The following ADGRV1 variants were observed in gnomAD, a reference collection of about 807,000 sequenced individuals.
ADGRV1 encodes adhesion G protein-coupled receptor V1.
A neutral mutation model predicts 596.2 loss-of-function variants in ADGRV1; 359 were observed. That is an observed-to-expected ratio of 0.60 (90% CI 0.55 to 0.66). The LOEUF is 0.66. ADGRV1 is among the 30% of genes least tolerant of loss of function. The pLI is 0.00. For synonymous variants in ADGRV1, 2,681 were observed against 2,679.2 expected (o/e 1.00, Z -0.02); for missense variants, 7,274 against 7,575.6 (o/e 0.96, Z 1.48).
intron 89 of ADGRV1, among the ~76,000 whole-genome samples, chr5:91,161,956 G>C (rs145981926): frequency 0.011 from 1,706 of 152,290 alleles, 15 homozygotes; most frequent in Middle Eastern, 0.02. Flanking sequence ...CAGAGAAAGC[G>C]CTCCAAAAGG....
intron 83 of ADGRV1, among the ~76,000 whole-genome samples, chr5:90,917,301 G>T (rs554853944): frequency 6.6e-6 from 1 of 151,078 alleles, no homozygotes; most frequent in African/African-American, 2.5e-5. Flanking sequence ...GGAGCCATTG[G>T]TAGTTCCCTG....
rs753701569 is a variant in ADGRV1, at chr5:90,645,988, AT to A, written c.2922del (p.Phe974LeufsTer6). 1 of 1,596,134 alleles carries A rather than the reference AT, an allele frequency of 6.3e-7. No individual in the cohort carries two copies. The highest frequency in any genetic ancestry group is 8.5e-7 in the Non-Finnish European group (1 of 1,170,692). On this transcript the variant is annotated frameshift_variant, in exon 16 of 90. Transcript: ENST00000405460. LOFTEE classifies it high-confidence loss of function. ...PDEIPEEMEEFTVILLNGTGG... is the reference protein window; with the variant it reads ...PDEIPEEMEEXTVILLNGTGG... ...CAAAGATTCCAGAAGAAATGGAAGA[AT>A]TTACCGTTATCCTACTGAATGGCAC...
At chr5:90,807,530 A>G in intron 72 of ADGRV1, 72 bp from the exon 73 acceptor site, 2 of 1,403,394 alleles carry the variant, frequency 1.4e-6, no homozygotes, top group Non-Finnish European at 1.9e-6. Context: ...ACACTACTAC[A>G]GTTTTAAAAG....
At chr5:90,744,091 C>T (rs1419310967) in intron 50 of ADGRV1, among the ~76,000 whole-genome samples, 4 of 152,064 alleles carry the variant, frequency 2.6e-5, no homozygotes, top group African/African-American at 7.2e-5. Context: ...TGGGTTCAAA[C>T]GATCCTGCCA....
In ADGRV1 at chr5:90,627,488, A is replaced by G. The variant is rs1232447223; in HGVS notation, c.950A>G (p.Gln317Arg). 1.9e-6 allele frequency: 3 copies of G among 1,614,008 alleles called. No individual in the cohort carries two copies. In the South Asian group the frequency reaches 3.3e-5, roughly 18 times the overall value. The change falls in exon 7 of 90, where the codon CAG (glutamine) becomes CGG (arginine). Residue 317 changes from glutamine to arginine, a missense_variant. By Grantham distance (43) the Gln-to-Arg change is conservative. Coordinates refer to ENST00000405460, the MANE Select transcript of ADGRV1 (RefSeq NM_032119.4). The stretch of plus-strand genomic sequence containing the variant: ...ACTGGGAATTCCACAGCACATGCCC[A>G]GCAAAATCTGGACTTCATTGATCTT... ...VTTGNSTAHA[Q>R]QNLDFIDLQP...
intron 87 of ADGRV1, among the ~76,000 whole-genome samples, chr5:91,139,286 A>G (rs944985490): frequency 3.9e-5 from 6 of 152,158 alleles, no homozygotes; most frequent in African/African-American, 1.4e-4. Flanking sequence ...ATATATTTAA[A>G]GTTTTTGAGT....
At chr5:90,887,615 T>G (rs1431114665) in intron 83 of ADGRV1, among the ~76,000 whole-genome samples, 1 of 152,218 alleles carries the variant, frequency 6.6e-6, no homozygotes, top group East Asian at 1.9e-4. Flanking sequence ...TGTTTGTCTT[T>G]AATACAAGGC....
chr5:90,897,580 C>T (rs1411695528), intron 83 of ADGRV1, among the ~76,000 whole-genome samples: 3 of 152,048 alleles, frequency 2.0e-5, no homozygotes, highest in African/African-American at 7.2e-5. Flanking sequence ...CCTTTTTGTG[C>T]CCCCAAGGTA....
chr5:90,627,961 C>CACACAA (rs1491307206), intron 7 of ADGRV1, 185 bp downstream of exon 7: 13 of 384,870 alleles, frequency 3.4e-5, no homozygotes, highest in Middle Eastern at 6.9e-4. Flanking sequence ...CACACACACA[C>CACACAA]AAGAATATGT....
At chr5:90,762,459 A>G (rs903729992) in intron 58 of ADGRV1, 5 of 152,170 alleles carry the variant, frequency 3.3e-5, no homozygotes, top group African/African-American at 9.7e-5. Flanking sequence ...ACAAGATTGT[A>G]TTGCATGTTA....
At chr5:90,893,716 T>C (rs1369764517) in intron 83 of ADGRV1, among the ~76,000 whole-genome samples, 3 of 152,224 alleles carry the variant, frequency 2.0e-5, no homozygotes, top group Non-Finnish European at 4.4e-5. Flanking sequence ...GGTTAAACCT[T>C]CAGTGTGTTG....
chr5:90,703,768 C>T lies in ADGRV1; in HGVS notation c.8259C>T (p.Asn2753=). The change falls in exon 35 of 90, where the codon AAC becomes AAT. Residue 2753 remains asparagine, a synonymous_variant. Coordinates refer to ENST00000405460, the MANE Select transcript of ADGRV1 (RefSeq NM_032119.4). ...AAAATCTAGAACTCAATTTTGCTAA[C>T]TTTAGCGGACAACTTTTCTTTCCTG... is the stretch of plus-strand genomic sequence containing the variant. The part of the protein sequence containing the change: ...IGQNLELNFA[N]FSGQLFFPEG... 6.2e-7 allele frequency: 1 copy of T among 1,600,258 alleles called. No individual in the cohort carries two copies. Among genetic ancestry groups the T allele is most frequent in the Non-Finnish European group, 8.5e-7 (1 of 1,173,054 alleles).
At chr5:90,778,184 C>G (rs1758453191) in intron 62 of ADGRV1, 141 bp downstream of exon 62, 1 of 1,009,492 alleles carries the variant, frequency 9.9e-7, no homozygotes, top group South Asian at 1.6e-5. Context: ...AATATTACAG[C>G]ATTTGTGGTT....
At chr5:90,625,523 G>C in intron 6 of ADGRV1, 1 of 255,546 alleles carries the variant, frequency 3.9e-6, no homozygotes, top group Non-Finnish European at 7.4e-6. Flanking sequence ...TTTTGAGCAA[G>C]AACAATACTA....
rs565660184 is a variant in ADGRV1 at position 91,004,092 on chromosome 5, T to G, written c.18152+18570T>G. Among the ~76,000 whole-genome samples, 5 of 152,258 alleles carry G rather than the reference T, an allele frequency of 3.3e-5. No homozygotes were observed. In the South Asian group the frequency reaches 1.0e-3, roughly 32 times the overall value. ...ATTAGAAAAAGGAAAGAAGCTTAAGTCCTATTTTGCTTCAATCTTCTCTGT... is the reference window on the plus strand; with the variant it reads ...ATTAGAAAAAGGAAAGAAGCTTAAGGCCTATTTTGCTTCAATCTTCTCTGT... On this transcript the variant is annotated intron_variant, in intron 85 of 89. Coordinates refer to ENST00000405460, the MANE Select transcript of ADGRV1 (RefSeq NM_032119.4).
At chr5:90,593,738 T>TA (rs910815805) in intron 1 of ADGRV1, among the ~76,000 whole-genome samples, 26 of 151,068 alleles carry the variant, frequency 1.7e-4, no homozygotes, top group Non-Finnish European at 2.8e-4. Flanking sequence ...CCCATTGAAA[T>TA]AAAAAAAATA....
At chr5:90,969,627 A>G (rs1184652593) in intron 84 of ADGRV1, among the ~76,000 whole-genome samples, 3 of 152,220 alleles carry the variant, frequency 2.0e-5, no homozygotes, top group Non-Finnish European at 4.4e-5. Flanking sequence ...AAAGGAAACA[A>G]TTCATAAATT....
chr5:90,633,220 G>A (rs1765725099), intron 9 of ADGRV1, among the ~76,000 whole-genome samples: 1 of 152,104 alleles, frequency 6.6e-6, no homozygotes, highest in African/African-American at 2.4e-5. Flanking sequence ...TTATAGGCTA[G>A]GAAATAAGCC....
chr5:91,102,521 G>T (rs1425529339), intron 87 of ADGRV1, among the ~76,000 whole-genome samples, 181 bp downstream of exon 87: 1 of 152,194 alleles, frequency 6.6e-6, no homozygotes, highest in East Asian at 1.9e-4. Flanking sequence ...AAATATGACT[G>T]GGATTCTAAC....
Sources: gnomAD v4.1 joint callset for allele counts (sites outside exome capture counted in the v4.1 genomes callset) on GRCh38, gnomAD v4.1.1 for gene constraint, MANE v1.5 for transcripts, NCBI Gene and HGNC (gene_info 2026-07-23, HGNC 2026-07-21) for gene names.